The following GALNTL6 variants were observed in gnomAD, a reference collection of about 807,000 sequenced individuals.
The protein encoded by GALNTL6 is polypeptide N-acetylgalactosaminyltransferase-like 6.
GALNTL6 carries 46 observed loss-of-function variants against 73.7 expected under a neutral mutation model. That is an observed-to-expected ratio of 0.62 (90% CI 0.49 to 0.80). The LOEUF is 0.80. GALNTL6 is among the 30% of genes least tolerant of loss of function. The pLI, the probability that GALNTL6 is intolerant of heterozygous loss-of-function variation, is 0.00. For missense variants in GALNTL6, 604 were observed against 755.0 expected (o/e 0.80, Z 2.34); for synonymous variants, 259 against 263.7 (o/e 0.98, Z 0.17).
At position 172,206,805 on chromosome 4, in the gene GALNTL6, G is replaced by GTTTTTTTTTTTTTTTTTT. The variant is rs778156050; in HGVS notation, c.139-22843_139-22842insTTTTTTTTTTTTTTTTTT. On this transcript the variant is annotated intron_variant, in intron 2 of 12. Transcript: ENST00000506823. ...TTGTTTTGTTTTGTTTTGTTTTTCT[G>GTTTTTTTTTTTTTTTTTT]TTTTTTTTGTTTGTTTTTTTTTTTT... 2.7e-4 allele frequency among the ~76,000 whole-genome samples: 7 copies of GTTTTTTTTTTTTTTTTTT among 26,166 alleles called. 1 individual carries two copies. The highest frequency in any genetic ancestry group is 4.7e-4 in the African/African-American group (5 of 10,548). 17.2% of individuals were successfully genotyped at this position (26,166 alleles called of 152,430 possible). A position where few individuals can be genotyped will look rare whatever the true frequency, so the allele number is the denominator to read the frequency against.
intron 10 of GALNTL6, among the ~76,000 whole-genome samples, chr4:172,955,818 AG>A (rs1361835960): frequency 7.6e-6 from 1 of 131,788 alleles, no homozygotes; most frequent in African/African-American, 2.9e-5. Flanking sequence ...TTACAGTCAA[AG>A]GGGGGGTTGT....
At chr4:172,713,127 A>T (rs1734814122) in intron 5 of GALNTL6, among the ~76,000 whole-genome samples, 1 of 152,044 alleles carries the variant, frequency 6.6e-6, no homozygotes, top group Non-Finnish European at 1.5e-5. Context: ...TTTTTCCCCT[A>T]GGTAACTATA....
intron 2 of GALNTL6, among the ~76,000 whole-genome samples, chr4:172,139,034 T>C (rs1393983728): frequency 6.6e-6 from 1 of 152,158 alleles, no homozygotes; most frequent in East Asian, 1.9e-4. Context: ...AGCAATGATT[T>C]GGAAGGGAAA....
intron 2 of GALNTL6, among the ~76,000 whole-genome samples, chr4:171,948,085 C>A (rs868436420): frequency 2.0e-5 from 3 of 152,210 alleles, no homozygotes; most frequent in South Asian, 4.1e-4. Context: ...CTTTTATACA[C>A]CACAGCAACA....
intron 2 of GALNTL6, among the ~76,000 whole-genome samples, chr4:172,225,022 A>C (rs577404790): frequency 6.6e-6 from 1 of 152,212 alleles, no homozygotes; most frequent in East Asian, 1.9e-4. Context: ...TCAAGGTGAA[A>C]AACCGGAATA....
intron 5 of GALNTL6, among the ~76,000 whole-genome samples, chr4:172,542,404 T>C (rs1231979411): frequency 6.6e-6 from 1 of 152,162 alleles, no homozygotes; most frequent in African/African-American, 2.4e-5. Context: ...AGCTTGACTT[T>C]ACAGGGCGTT....
intron 9 of GALNTL6, among the ~76,000 whole-genome samples, chr4:172,951,152 C>T (rs1038432100): frequency 1.3e-5 from 2 of 152,212 alleles, no homozygotes; most frequent in African/African-American, 2.4e-5. Context: ...AATAGCTCTA[C>T]TATTTGTGGT....
At chr4:172,230,661 C>G (rs560513981) in intron 3 of GALNTL6, among the ~76,000 whole-genome samples, 2 of 151,936 alleles carry the variant, frequency 1.3e-5, no homozygotes, top group Non-Finnish European at 1.5e-5. Flanking sequence ...AACAGAAATT[C>G]AGAAGGGTAT....
chr4:172,388,084 T>A (rs1743535061), intron 5 of GALNTL6, among the ~76,000 whole-genome samples: 1 of 152,194 alleles, frequency 6.6e-6, no homozygotes, highest in Non-Finnish European at 1.5e-5. Context: ...TGTTTTTTAC[T>A]TCTCCTAACA....
intron 7 of GALNTL6, among the ~76,000 whole-genome samples, chr4:172,825,078 T>C (rs866822652): frequency 7.6e-5 from 8 of 105,636 alleles, no homozygotes; most frequent in South Asian, 7.8e-4. Context: ...TTTGGTTATC[T>C]TTTCTTTCTT....
chr4:172,215,961 C>A (rs72702809), intron 2 of GALNTL6, among the ~76,000 whole-genome samples: 59,434 of 151,838 alleles, frequency 0.39, 11,805 homozygotes, highest in Non-Finnish European at 0.41. Flanking sequence ...TTCTATGTAC[C>A]AGTTCTTTCC....
chr4:172,353,151 G>A (rs1741997654), intron 5 of GALNTL6, among the ~76,000 whole-genome samples: 1 of 151,998 alleles, frequency 6.6e-6, no homozygotes, highest in Admixed American at 6.6e-5. Flanking sequence ...TTAAAATTGG[G>A]GTTGAATGGC....
chr4:172,903,795 T>C (rs1282123336), intron 8 of GALNTL6, among the ~76,000 whole-genome samples: 3 of 152,288 alleles, frequency 2.0e-5, no homozygotes, highest in African/African-American at 7.2e-5. Flanking sequence ...TTTGTTGTAT[T>C]ACTTTATTCA....
At chr4:172,650,333 T>G (rs1483086460) in intron 5 of GALNTL6, among the ~76,000 whole-genome samples, 1 of 152,122 alleles carries the variant, frequency 6.6e-6, no homozygotes, top group East Asian at 1.9e-4. Flanking sequence ...CAAAGTGAAT[T>G]CATATATAAA....
At chr4:172,764,468 A>G (rs1738292988) in intron 5 of GALNTL6, among the ~76,000 whole-genome samples, 2 of 151,936 alleles carry the variant, frequency 1.3e-5, no homozygotes, top group Non-Finnish European at 1.5e-5. Flanking sequence ...ATTATTGTAC[A>G]GTTATTTTTA....
At chr4:172,267,109 A>G (rs1738475407) in intron 3 of GALNTL6, among the ~76,000 whole-genome samples, 1 of 152,126 alleles carries the variant, frequency 6.6e-6, no homozygotes, top group Non-Finnish European at 1.5e-5. Flanking sequence ...AAGCCTTTTT[A>G]TGTTCTGTAT....
At chr4:171,985,969 C>T (rs950759644) in intron 2 of GALNTL6, among the ~76,000 whole-genome samples, 10 of 125,706 alleles carry the variant, frequency 8.0e-5, no homozygotes, top group South Asian at 2.8e-4. Flanking sequence ...ATCCAGGAGG[C>T]GGAGGTTGCA....
intron 7 of GALNTL6, among the ~76,000 whole-genome samples, chr4:172,821,893 C>T (rs2111025229): frequency 6.6e-6 from 1 of 152,240 alleles, no homozygotes; most frequent in East Asian, 1.9e-4. Context: ...GTAAATTACC[C>T]ATCTCTCCTT....
chr4:172,414,517 A>G (rs751032733), intron 5 of GALNTL6, among the ~76,000 whole-genome samples: 32 of 152,054 alleles, frequency 2.1e-4, no homozygotes, highest in Non-Finnish European at 3.2e-4. Flanking sequence ...TTTGATTTGA[A>G]TTTTCTATCG....
Sources: gnomAD v4.1 joint callset for allele counts (sites outside exome capture counted in the v4.1 genomes callset) on GRCh38, gnomAD v4.1.1 for gene constraint, MANE v1.5 for transcripts, NCBI Gene and HGNC (gene_info 2026-07-23, HGNC 2026-07-21) for gene names.